Variants in NRIP1 observed in about 807,000 individuals in gnomAD.
The protein encoded by NRIP1 is nuclear receptor-interacting protein 1.
A neutral mutation model predicts 75.0 loss-of-function variants in NRIP1; 28 were observed. The observed-to-expected ratio is 0.37, with a 90% CI of 0.28 to 0.51. The LOEUF (loss-of-function observed/expected upper bound fraction) is 0.51. Ranked by LOEUF, NRIP1 falls within the 20% of genes least tolerant of loss-of-function variation. NRIP1 has a pLI of 0.92. For synonymous variants in NRIP1, 526 were observed against 487.6 expected (o/e 1.08, Z -1.04); for missense variants, 1,435 against 1,343.7 (o/e 1.07, Z -1.06).
intron 3 of NRIP1, among the ~76,000 whole-genome samples, chr21:15,009,712 T>G (rs1398000320): frequency 6.6e-6 from 1 of 152,154 alleles, no homozygotes; most frequent in African/African-American, 2.4e-5. Context: ...AGAATAAAAA[T>G]TGCCAGTAAT....
chr21:15,033,460 C>A (rs562776852), intron 2 of NRIP1, among the ~76,000 whole-genome samples: 6 of 152,294 alleles, frequency 3.9e-5, no homozygotes, highest in African/African-American at 1.4e-4. Context: ...AAAACCACCA[C>A]ATCACAGCCT....
chr21:15,015,571 C>T (rs1347464959), intron 2 of NRIP1, among the ~76,000 whole-genome samples: 2 of 151,882 alleles, frequency 1.3e-5, no homozygotes, highest in Non-Finnish European at 2.9e-5. Context: ...ACATTGTATA[C>T]AGCCATAAAA....
intron 3 of NRIP1, chr21:14,991,338 A>T (rs1275104235): frequency 6.7e-6 from 1 of 150,268 alleles, no homozygotes; most frequent in Admixed American, 6.7e-5. Flanking sequence ...AAAATGTTCT[A>T]GGTGTTATTT....
intron 1 of NRIP1, among the ~76,000 whole-genome samples, chr21:15,044,098 C>CGTGA (rs2089018726): frequency 2.0e-5 from 3 of 152,166 alleles, no homozygotes; most frequent in South Asian, 4.1e-4. Flanking sequence ...GGATTACAGG[C>CGTGA]GTGAGCCAGC....
At chr21:15,040,152 G>A (rs926176200) in intron 2 of NRIP1, among the ~76,000 whole-genome samples, 7 of 152,076 alleles carry the variant, frequency 4.6e-5, no homozygotes, top group African/African-American at 1.7e-4. Flanking sequence ...AGAATTCAGA[G>A]AGCTGTGCGT....
rs1311854814 is a variant in NRIP1, at chr21:14,965,208, C to T, written c.2985G>A (p.Met995Ile). The change falls in exon 4 of 4, where the codon ATG becomes ATA. Residue 995 changes from methionine to isoleucine, a missense_variant. Coordinates refer to ENST00000318948, the MANE Select transcript of NRIP1 (RefSeq NM_003489.4). The part of the protein sequence containing the change: ...MYSSTQPSSC[M>I]DNRTFSYPGV... ...CTGGGTATGAAAATGTCCTGTTATC[C>T]ATGCAACTGCTGGGCTGAGTGGAAC... The T allele has an allele frequency of 3.1e-6, 5 of 1,613,858 alleles. No individual in the cohort carries two copies. In the East Asian group the frequency reaches 1.1e-4, roughly 36 times the overall value.
At chr21:15,030,783 G>T (rs1301816664) in intron 2 of NRIP1, among the ~76,000 whole-genome samples, 3 of 151,958 alleles carry the variant, frequency 2.0e-5, no homozygotes, top group Non-Finnish European at 4.4e-5. Context: ...AGGAAATGAT[G>T]ATTTAAGTTA....
chr21:15,010,832 A>G (rs1442374970), intron 3 of NRIP1, among the ~76,000 whole-genome samples: 2 of 152,120 alleles, frequency 1.3e-5, no homozygotes, highest in Non-Finnish European at 2.9e-5. Flanking sequence ...TGAGAAAGGG[A>G]ATTAAGAGTG....
chr21:15,011,040 C>T (rs1363378958), intron 3 of NRIP1, among the ~76,000 whole-genome samples: 1 of 152,148 alleles, frequency 6.6e-6, no homozygotes, highest in Non-Finnish European at 1.5e-5. Flanking sequence ...TACTAAAAAT[C>T]TGGTGTGAAA....
chr21:15,017,353 C>G (rs901946505), intron 2 of NRIP1, among the ~76,000 whole-genome samples: 2 of 151,972 alleles, frequency 1.3e-5, no homozygotes, highest in African/African-American at 4.8e-5. Context: ...CCACGGTGCC[C>G]AACTTAGAGG....
chr21:15,063,447 ACACTGAATAATGC>A lies in NRIP1; in HGVS notation c.-538+1285_-538+1297del, dbSNP rs1978510869. 4.6e-5 allele frequency among the ~76,000 whole-genome samples: 7 copies of A among 152,354 alleles called. No individual in the cohort carries two copies. In the South Asian group the frequency reaches 1.4e-3, roughly 32 times the overall value. On this transcript the variant is annotated intron_variant, in intron 1 of 3. Transcript: ENST00000318948. ...ACAAAGGTGGAAAACTGATGATTAA[ACACTGAATAATGC>A]CACCCACTTACTAAACCTATGATTC...
intron 1 of NRIP1, among the ~76,000 whole-genome samples, chr21:15,062,718 A>G (rs1246359096): frequency 6.6e-6 from 1 of 152,226 alleles, no homozygotes; most frequent in Non-Finnish European, 1.5e-5. Context: ...TGTCAATTTA[A>G]GCAAACTTCA....
intron 3 of NRIP1, among the ~76,000 whole-genome samples, chr21:14,989,109 C>T (rs1383785596): frequency 6.6e-6 from 1 of 152,196 alleles, no homozygotes; most frequent in South Asian, 2.1e-4. Context: ...TCCCTGTAAT[C>T]ACACCACCCC....
chr21:15,040,788 T>G (rs1458738925), intron 2 of NRIP1, among the ~76,000 whole-genome samples: 1 of 152,100 alleles, frequency 6.6e-6, no homozygotes, highest in East Asian at 1.9e-4. Flanking sequence ...AGGTAACTTA[T>G]TTTTTAATAG....
intron 3 of NRIP1, among the ~76,000 whole-genome samples, chr21:15,004,182 TCAAA>T (rs1244877103): frequency 3.9e-5 from 6 of 152,142 alleles, no homozygotes; most frequent in African/African-American, 1.4e-4. Flanking sequence ...TGTTATCCCC[TCAAA>T]CAAATTTCTT....
chr21:15,054,840 G>A, intron 1 of NRIP1, among the ~76,000 whole-genome samples: 1 of 152,158 alleles, frequency 6.6e-6, no homozygotes, highest in Middle Eastern at 3.2e-3. Flanking sequence ...AAGGAAAACA[G>A]CTATAACACA....
chr21:15,050,299 G>A (rs2089173499), intron 1 of NRIP1: 1 of 177,838 alleles, frequency 5.6e-6, no homozygotes, highest in Non-Finnish European at 1.2e-5. Context: ...TCAAACCTCA[G>A]GAAGAATATA....
chr21:15,039,421 T>A (rs144305143), intron 2 of NRIP1, among the ~76,000 whole-genome samples: 1 of 152,118 alleles, frequency 6.6e-6, no homozygotes, highest in Non-Finnish European at 1.5e-5. Flanking sequence ...TAGTCCCTTA[T>A]CCACATTCCC....
rs371072440 is a variant in NRIP1, at chr21:14,966,486, A to C, written c.1707T>G (p.Ser569=). ...TCCATTTGATGACCAGAGAGTGTTG[A>C]GAGAGATTGATGGGAGACCCTGCTT... ...SSKAGSPINL[S]QHSLVIKWNS... is the part of the protein sequence containing the mutation. Residue 569 remains serine, a synonymous_variant, in exon 4 of 4, where the codon TCT becomes TCG. Coordinates refer to ENST00000318948, the MANE Select transcript of NRIP1 (RefSeq NM_003489.4). 6.2e-7 allele frequency: 1 copy of C among 1,614,118 alleles called. No individual in the cohort carries two copies. The highest frequency in any genetic ancestry group is 8.5e-7 in the Non-Finnish European group (1 of 1,179,992).
Sources: allele counts gnomAD v4.1 joint callset (sites outside exome capture counted in the v4.1 genomes callset), GRCh38; gene constraint gnomAD v4.1.1; transcripts MANE v1.5; gene names NCBI Gene and HGNC (gene_info 2026-07-23, HGNC 2026-07-21).